Variants in SLC2A2 observed in about 807,000 individuals in gnomAD.
SLC2A2 encodes solute carrier family 2, facilitated glucose transporter member 2.
SLC2A2 carries 36 observed loss-of-function variants against 54.5 expected under a neutral mutation model. The observed-to-expected ratio is 0.66, with a 90% CI of 0.51 to 0.87. The LOEUF (loss-of-function observed/expected upper bound fraction) is 0.87. Among genes scored for constraint, SLC2A2 ranks in the 40% least tolerant of loss-of-function variants. The pLI, the probability that SLC2A2 is intolerant of heterozygous loss-of-function variation, is 0.00. For missense variants in SLC2A2, 543 were observed against 624.3 expected (o/e 0.87, Z 1.39); for synonymous variants, 223 against 219.1 (o/e 1.02, Z -0.16).
chr3:171,025,327 C>A (rs1455648182), intron 1 of SLC2A2, among the ~76,000 whole-genome samples: 6 of 133,780 alleles, frequency 4.5e-5, no homozygotes, highest in African/African-American at 1.7e-4. Context: ...TATAATTTAT[C>A]TTTTATAATT....
At chr3:171,015,878 G>A (rs1343683722) in intron 2 of SLC2A2, among the ~76,000 whole-genome samples, 1 of 152,150 alleles carries the variant, frequency 6.6e-6, no homozygotes, top group East Asian at 1.9e-4. Flanking sequence ...TAAATTTCAT[G>A]GAGCCATATT....
At chr3:171,020,465 T>A (rs1178445389) in intron 1 of SLC2A2, among the ~76,000 whole-genome samples, 1 of 152,152 alleles carries the variant, frequency 6.6e-6, no homozygotes, top group Non-Finnish European at 1.5e-5. Flanking sequence ...CTTTCCCTCC[T>A]AACACTTCTT....
At chr3:171,010,731 C>A (rs1715842659) in intron 3 of SLC2A2, among the ~76,000 whole-genome samples, 1 of 151,932 alleles carries the variant, frequency 6.6e-6, no homozygotes, top group African/African-American at 2.4e-5. Flanking sequence ...TTATAATTAT[C>A]TGTATTTTAA....
chr3:171,002,495 T>G, intron 8 of SLC2A2, 81 bp downstream of exon 8: 1 of 875,740 alleles, frequency 1.1e-6, no homozygotes, highest in Non-Finnish European at 1.9e-6. Flanking sequence ...ATTGATTGCT[T>G]TTAGAGCCGA....
At chr3:171,022,515 T>C (rs1003242222) in intron 1 of SLC2A2, among the ~76,000 whole-genome samples, 6 of 152,220 alleles carry the variant, frequency 3.9e-5, no homozygotes, top group African/African-American at 1.2e-4. Context: ...GCCTACTCAA[T>C]TGCTCATCGG....
intron 1 of SLC2A2, among the ~76,000 whole-genome samples, chr3:171,021,540 G>A (rs988303745): frequency 2.6e-5 from 4 of 152,086 alleles, no homozygotes; most frequent in Admixed American, 1.3e-4. Context: ...TAGTCCCAGC[G>A]TTTGGGAGGC....
In SLC2A2 at chr3:171,007,213, C is replaced by T. The variant is rs368626129; in HGVS notation, c.547G>A (p.Ala183Thr). The T allele has an allele frequency of 3.5e-5, 56 of 1,612,480 alleles. No individual in the cohort carries two copies. The highest frequency in any genetic ancestry group is 4.5e-5 in the East Asian group (2 of 44,820). ...AAAGTGCCAAGTGCTCCCCTGAGAG[C>T]GGTTGGAGCAATTTCACCGATATAC... ...PMYIGEIAPT[A>T]LRGALGTFHQ... Residue 183 changes from alanine (A) to threonine (T), a missense_variant, in exon 5 of 11, where the codon GCT becomes ACT. Ala to Thr is a moderately conservative substitution (Grantham distance 58). Transcript: ENST00000314251.
At position 171,025,280 on chromosome 3, in the gene SLC2A2, T is replaced by C. The variant is rs1373022458; in HGVS notation, c.15+1376A>G. Among the ~76,000 whole-genome samples, 3 of 150,386 alleles carry C rather than the reference T, an allele frequency of 2.0e-5. No individual in the cohort carries two copies. The East Asian group carries it at 5.8e-4, about 29-fold the overall frequency. ...TAAATATCAAACATATAAATGGTGC[T>C]TATATAATATGTATTTAAAGTGTTT... On this transcript the variant is annotated intron_variant, in intron 1 of 10. Coordinates refer to ENST00000314251, the MANE Select transcript of SLC2A2 (RefSeq NM_000340.2).
chr3:171,021,407 A>G (rs761930297), intron 1 of SLC2A2, among the ~76,000 whole-genome samples: 5 of 152,258 alleles, frequency 3.3e-5, no homozygotes, highest in Non-Finnish European at 4.4e-5. Context: ...TATGTGGATT[A>G]TCTCATTTAC....
chr3:170,997,808 T>G lies in SLC2A2; in HGVS notation c.*95A>C. ...GAGCACATAAAAATAAAACAATACT[T>G]AAAGATGTGGATATAAAATGCTCAA... On this transcript the variant is annotated 3_prime_UTR_variant, in exon 11 of 11. Transcript: ENST00000314251. 3.0e-6 allele frequency: 3 copies of G among 985,342 alleles called. No individual in the cohort carries two copies. The highest frequency in any genetic ancestry group is 4.8e-6 in the Non-Finnish European group (3 of 628,064). The allele number at this position is 985,342 out of a possible 1,614,324, so 61.0% of individuals were successfully genotyped here.
intron 2 of SLC2A2, 73 bp downstream of exon 2, chr3:171,018,458 G>A (rs575697782): frequency 9.6e-7 from 1 of 1,046,242 alleles, no homozygotes; most frequent in African/African-American, 1.6e-5. Flanking sequence ...CTTTATCTCT[G>A]TGTATGAGGA....
intron 3 of SLC2A2, among the ~76,000 whole-genome samples, chr3:171,010,927 T>C (rs1019949822): frequency 1.2e-4 from 19 of 152,110 alleles, no homozygotes; most frequent in African/African-American, 4.3e-4. Flanking sequence ...AAAACCTTTT[T>C]TGCAGTCAAG....
At position 170,998,150 on chromosome 3, in the gene SLC2A2, C is replaced by G. The variant is rs758011250; in HGVS notation, c.1374+43G>C. 4 of 1,612,886 alleles carry G rather than the reference C, an allele frequency of 2.5e-6. No individual in the cohort carries two copies. The African/African-American group carries it at 4.0e-5, about 16-fold the overall frequency. On this transcript the variant is annotated intron_variant, in intron 10 of 10. Coordinates refer to ENST00000314251, the MANE Select transcript of SLC2A2 (RefSeq NM_000340.2). ...ACTTTGAGTTAGCAGTTTTTTGACC[C>G]TCTCTTCTGTTCAGTAAATCTGTGG...
intron 8 of SLC2A2, 46 bp from the exon 9 acceptor site, chr3:170,999,212 A>AC: frequency 8.1e-7 from 1 of 1,237,220 alleles, no homozygotes; most frequent in Non-Finnish European, 1.2e-6. Context: ...GAGTCACAAA[A>AC]TATTGACTGT....
rs549986128 is a variant in SLC2A2 at position 171,002,521 on chromosome 3, C to T, written c.1068+55G>A. ...TTAGAGCCGAAGTTCCCCACCCCTC[C>T]TGCAATTTCTGGACTAAGGAACAAG... On this transcript the variant is annotated intron_variant, in intron 8 of 10. Transcript: ENST00000314251. 7.7e-5 allele frequency: 90 copies of T among 1,174,200 alleles called. No homozygotes were observed. In the African/African-American group the frequency reaches 1.1e-3, roughly 14 times the overall value. 72.7% of individuals were successfully genotyped at this position (1,174,200 alleles called of 1,614,324 possible).
At position 171,005,423 on chromosome 3, in the gene SLC2A2, T is replaced by C. The variant is rs1715550310; in HGVS notation, c.825A>G (p.Glu275=). The C allele has an allele frequency of 6.2e-7, 1 of 1,612,768 alleles. No homozygotes were observed. Among genetic ancestry groups the C allele is most frequent in the Admixed American group, 1.7e-5 (1 of 59,826 alleles). Reference sequence around the variant, plus strand: ...ATGCTTCTTCTCTTTCTTTTCTCATTTCATTAATATCTTTGGTGACATCAT... The same window carrying C: ...ATGCTTCTTCTCTTTCTTTTCTCATCTCATTAATATCTTTGGTGACATCAT... ...GYDDVTKDIN[E]MRKEREEASS... is the part of the protein sequence containing the mutation. The change falls in exon 7 of 11, where the codon GAA becomes GAG. Residue 275 remains glutamate, a synonymous_variant. Transcript: ENST00000314251.
In SLC2A2 at chr3:171,014,601, G is replaced by A; in HGVS notation, c.239C>T (p.Pro80Leu). 6.2e-7 allele frequency: 1 copy of A among 1,614,102 alleles called. No individual in the cohort carries two copies. Among genetic ancestry groups the A allele is most frequent in the African/African-American group, 1.3e-5 (1 of 75,012 alleles). Residue 80 changes from proline (P) to leucine (L), a missense_variant, in exon 3 of 11, where the codon CCT becomes CTT. Transcript: ENST00000314251. ...ISYSMNPKPT[P>L]WAEEETVAAA... ...TGCCACAGTCTCTTCCTCAGCCCAA[G>A]GGGTTGGTTTTGGGTTCATTGAGTA...
chr3:171,002,561 A>C lies in SLC2A2; in HGVS notation c.1068+15T>G, dbSNP rs1369930599. 1 of 1,511,484 alleles carries C rather than the reference A, an allele frequency of 6.6e-7. No homozygotes were observed. Among genetic ancestry groups the C allele is most frequent in the Non-Finnish European group, 9.2e-7 (1 of 1,088,064 alleles). The allele number at this position is 1,511,484 out of a possible 1,614,324, so 93.6% of individuals were successfully genotyped here. The stretch of plus-strand genomic sequence containing the variant: ...TAAGGAACAAGCAGAGTATTTATCT[A>C]GGGCATTGACTTACAGAGACAGCAG... On this transcript the variant is annotated intron_variant, in intron 8 of 10. Transcript: ENST00000314251.
Position 170,999,153 on chromosome 3 carries a change from T to C in SLC2A2, c.1082A>G (p.Glu361Gly). The change falls in exon 9 of 11, where the codon GAG (glutamate) becomes GGG (glycine). Residue 361 changes from glutamate (E) to glycine (G), a missense_variant. Glu to Gly is a moderately conservative substitution (Grantham distance 98). Transcript: ENST00000314251. ...AAAGAGAGAACGTCGCCCTGCCTTC[T>C]CCACAAGGAATACCTAGGACAATTT... ...VFTAVSVFLVEKAGRRSLFLI... is the reference protein window; with the variant it reads ...VFTAVSVFLVGKAGRRSLFLI... 1 of 1,608,310 alleles carries C rather than the reference T, an allele frequency of 6.2e-7. No individual in the cohort carries two copies. Among genetic ancestry groups the C allele is most frequent in the Non-Finnish European group, 8.5e-7 (1 of 1,175,020 alleles).
Sources: gnomAD v4.1 joint callset for allele counts (sites outside exome capture counted in the v4.1 genomes callset) on GRCh38, gnomAD v4.1.1 for gene constraint, MANE v1.5 for transcripts, NCBI Gene and HGNC (gene_info 2026-07-23, HGNC 2026-07-21) for gene names.